The following PRRC2C variants were observed in gnomAD, a reference collection of about 807,000 sequenced individuals.
PRRC2C encodes the protein proline rich coiled-coil 2C.
PRRC2C carries 72 observed loss-of-function variants against 317.2 expected under a neutral mutation model. The ratio of observed to expected loss-of-function variants is 0.23; its 90% CI spans 0.19 to 0.28. The LOEUF (loss-of-function observed/expected upper bound fraction) is 0.28. Ranked by LOEUF, PRRC2C falls within the 10% of genes least tolerant of loss-of-function variation. PRRC2C has a pLI of 1.00. For synonymous variants in PRRC2C, 1,296 were observed against 1,205.9 expected (o/e 1.07, Z -1.55); for missense variants, 3,074 against 3,459.7 (o/e 0.89, Z 2.80).
rs377589007 is a variant in PRRC2C at position 171,557,813 on chromosome 1, A to G, written c.5701A>G (p.Thr1901Ala). 98 of 1,549,060 alleles carry G rather than the reference A, an allele frequency of 6.3e-5. 1 individual carries two copies. In the African/African-American group the frequency reaches 9.1e-4, roughly 14 times the overall value. ...ACCAACTATCCCAGCCTCAGCCCCA[A>G]CTGCCTCAGTCCCACTTGCCCCTGC... ...TAPTIPASAP[T>A]ASVPLAPASA... The change falls in exon 19 of 35, where the codon ACT becomes GCT. Residue 1901 changes from threonine (T) to alanine (A), a missense_variant. This residue lies in a region of PRRC2C where 640 missense variants were observed against 676.1 expected (regional missense o/e 0.95). Coordinates refer to ENST00000647382, the MANE Select transcript of PRRC2C (RefSeq NM_001387844.1).
Position 171,592,054 on chromosome 1 carries a change from A to G in PRRC2C, c.*207A>G, listed in dbSNP as rs1651551839. 3 of 538,186 alleles carry G rather than the reference A, an allele frequency of 5.6e-6. No individual in the cohort carries two copies. The highest frequency in any genetic ancestry group is 8.4e-5 in the South Asian group (2 of 23,778). 33.3% of individuals were successfully genotyped at this position (538,186 alleles called of 1,614,324 possible). The stretch of plus-strand genomic sequence containing the variant: ...GAGGCTTTGCAAGCTTGTACCTACT[A>G]TATAACATGTGCTTGGTTGATGGCC... On this transcript the variant is annotated 3_prime_UTR_variant, in exon 35 of 35. Coordinates refer to ENST00000647382, the MANE Select transcript of PRRC2C (RefSeq NM_001387844.1).
intron 1 of PRRC2C, among the ~76,000 whole-genome samples, chr1:171,508,689 AT>A (rs1189347381): frequency 1.3e-5 from 2 of 152,122 alleles, no homozygotes; most frequent in Non-Finnish European, 2.9e-5. Context: ...TGAACTTGAC[AT>A]TTTATTTTGA....
intron 17 of PRRC2C, 131 bp from the exon 18 acceptor site, chr1:171,549,955 A>G (rs1423231295): frequency 1.2e-5 from 7 of 593,164 alleles, no homozygotes; most frequent in Non-Finnish European, 1.6e-5. Flanking sequence ...AATAGGTTAT[A>G]CACTATAAGT....
intron 1 of PRRC2C, among the ~76,000 whole-genome samples, chr1:171,487,272 C>G (rs1417479975): frequency 1.3e-5 from 2 of 152,054 alleles, no homozygotes; most frequent in Admixed American, 1.3e-4. Context: ...GTAGTCTGAC[C>G]AAGGTCACAT....
intron 28 of PRRC2C, among the ~76,000 whole-genome samples, chr1:171,580,464 A>C (rs887501868): frequency 6.6e-6 from 1 of 152,224 alleles, no homozygotes. Flanking sequence ...ACTCAGATGC[A>C]CTGTAAGTTA....
chr1:171,581,592 G>C (rs1648612258), intron 28 of PRRC2C, among the ~76,000 whole-genome samples: 1 of 152,188 alleles, frequency 6.6e-6, no homozygotes, highest in Non-Finnish European at 1.5e-5. Flanking sequence ...TTTGAAAGCA[G>C]TTATTTTATC....
intron 16 of PRRC2C, 52 bp downstream of exon 16, chr1:171,542,281 AAGT>A: frequency 1.4e-6 from 2 of 1,396,606 alleles, no homozygotes; most frequent in Non-Finnish European, 1.9e-6. Context: ...AAGAAGCTAA[AAGT>A]AGAGTTCTTG....
rs917486693 is a variant in PRRC2C at position 171,579,772 on chromosome 1, G to C, written c.7273-56G>C. ...CAAATTTTTATATTCCAGTGTTAAT[G>C]ATTTATCTGTATGATGTTGATATAT... On this transcript the variant is annotated intron_variant, in intron 27 of 34. Coordinates refer to ENST00000647382, the MANE Select transcript of PRRC2C (RefSeq NM_001387844.1). 2.0e-5 allele frequency: 30 copies of C among 1,470,676 alleles called. 1 individual carries two copies. The Middle Eastern group carries it at 5.4e-4, about 27-fold the overall frequency. 91.1% of individuals were successfully genotyped at this position (1,470,676 alleles called of 1,614,324 possible). A position where few individuals can be genotyped will look rare whatever the true frequency, so the allele number is the denominator to read the frequency against.
intron 20 of PRRC2C, among the ~76,000 whole-genome samples, chr1:171,565,031 A>G (rs1457710414): frequency 2.0e-5 from 3 of 152,172 alleles, no homozygotes; most frequent in African/African-American, 7.2e-5. Context: ...AACAAGCTTT[A>G]GTTGAATTTT....
Position 171,515,753 on chromosome 1 carries a change from G to A in PRRC2C, c.420G>A (p.Gln140=). ...GQGDGIQVNS[Q]FQQEFPSLQA... ...CTATAGGAATCCAAGTGAATAGTCA[G>A]TTTCAGCAAGAATTTCCCAGCCTGC... Residue 140 remains glutamine, a synonymous_variant, in exon 5 of 35, where the codon CAG becomes CAA. Coordinates refer to ENST00000647382, the MANE Select transcript of PRRC2C (RefSeq NM_001387844.1). 6.2e-7 allele frequency: 1 copy of A among 1,607,288 alleles called. No individual in the cohort carries two copies. The highest frequency in any genetic ancestry group is 2.2e-5 in the East Asian group (1 of 44,808).
At chr1:171,511,906 G>A in intron 1 of PRRC2C, 126 bp from the exon 2 acceptor site, 1 of 463,682 alleles carries the variant, frequency 2.2e-6, no homozygotes, top group Non-Finnish European at 4.0e-6. Flanking sequence ...ATTGGTTATT[G>A]GAATTTGACA....
At chr1:171,515,131 C>G (rs1672108132) in intron 4 of PRRC2C, among the ~76,000 whole-genome samples, 1 of 152,250 alleles carries the variant, frequency 6.6e-6, no homozygotes, top group Non-Finnish European at 1.5e-5. Context: ...AGTTTTCCCA[C>G]TTTCGAAACA....
rs573597878 is a variant in PRRC2C at position 171,540,222 on chromosome 1, G to C, written c.2756G>C (p.Ser919Thr). 3 of 1,613,912 alleles carry C rather than the reference G, an allele frequency of 1.9e-6. No homozygotes were observed. The highest frequency in any genetic ancestry group is 2.5e-6 in the Non-Finnish European group (3 of 1,179,878). Residue 919 changes from serine to threonine, a missense_variant, in exon 16 of 35, where the codon AGT becomes ACT. Physicochemically the swap from Ser to Thr is moderately conservative, Grantham distance 58. Transcript: ENST00000647382. ...GAGGAGCGGATTTCAGCTGTAGAAA[G>C]TCAGCCTTCCCGGAAAAGAAGTGTT... Reference protein sequence around the residue: ...PQEERISAVESQPSRKRSVSH... With the variant: ...PQEERISAVETQPSRKRSVSH...
chr1:171,495,166 T>G (rs940383460), intron 1 of PRRC2C, among the ~76,000 whole-genome samples: 8 of 152,368 alleles, frequency 5.3e-5, no homozygotes, highest in African/African-American at 1.9e-4. Flanking sequence ...GGAACTGTTA[T>G]GACTCCAAAT....
intron 1 of PRRC2C, among the ~76,000 whole-genome samples, chr1:171,494,323 TAG>T (rs1396526895): frequency 6.6e-6 from 1 of 152,218 alleles, no homozygotes; most frequent in Admixed American, 6.5e-5. Flanking sequence ...CTATCCTGAT[TAG>T]AACTCCAGCA....
chr1:171,517,234 T>C (rs1194908208), intron 5 of PRRC2C, among the ~76,000 whole-genome samples: 1 of 152,196 alleles, frequency 6.6e-6, no homozygotes, highest in Non-Finnish European at 1.5e-5. Context: ...AGAAGTCCCA[T>C]CTTCCTTCCC....
intron 5 of PRRC2C, among the ~76,000 whole-genome samples, chr1:171,516,740 C>T (rs1411406489): frequency 2.0e-5 from 3 of 152,164 alleles, no homozygotes; most frequent in African/African-American, 7.2e-5. Flanking sequence ...CTCAAAGCCG[C>T]GATGAAGCTG....
intron 17 of PRRC2C, among the ~76,000 whole-genome samples, chr1:171,547,577 G>T (rs781620189): frequency 1.3e-5 from 2 of 150,690 alleles, no homozygotes; most frequent in African/African-American, 4.9e-5. Context: ...ACAAGTAGAA[G>T]TGTTTTATAA....
chr1:171,490,867 C>T (rs1412654306), intron 1 of PRRC2C, among the ~76,000 whole-genome samples: 1 of 152,102 alleles, frequency 6.6e-6, no homozygotes, highest in African/African-American at 2.4e-5. Flanking sequence ...GTTTTAAAAC[C>T]TAGGTTTAGT....
Sources: allele counts gnomAD v4.1 joint callset (sites outside exome capture counted in the v4.1 genomes callset), GRCh38; gene constraint gnomAD v4.1.1; regional missense constraint gnomAD v4.1.1; transcripts MANE v1.5; gene names NCBI Gene and HGNC (gene_info 2026-07-23, HGNC 2026-07-21).